Variants in KCNMA1 observed in about 807,000 individuals in gnomAD.
KCNMA1 encodes potassium calcium-activated channel subfamily M alpha 1, also known as Calcium-activated potassium channel subunit alpha-1.
KCNMA1 carries 29 observed loss-of-function variants against 140.0 expected under a neutral mutation model. The observed-to-expected ratio is 0.21, with a 90% CI of 0.15 to 0.28. The LOEUF is 0.28. KCNMA1 is among the 10% of genes least tolerant of loss of function. KCNMA1 has a pLI of 1.00. For synonymous variants in KCNMA1, 612 were observed against 611.9 expected (o/e 1.00, Z 0.00); for missense variants, 880 against 1,602.2 (o/e 0.55, Z 7.70).
chr10:76,905,267 G>A (rs1315946923), intron 25 of KCNMA1: 1 of 152,174 alleles, frequency 6.6e-6, no homozygotes, highest in East Asian at 1.9e-4. Context: ...TCTAAAATGA[G>A]TGCATGAGGA....
chr10:77,340,594 C>T (rs1414207182), intron 2 of KCNMA1, among the ~76,000 whole-genome samples: 1 of 151,702 alleles, frequency 6.6e-6, no homozygotes, highest in Non-Finnish European at 1.5e-5. Context: ...CCGTCATTCT[C>T]AGCAAACTAT....
intron 1 of KCNMA1, among the ~76,000 whole-genome samples, chr10:77,447,723 T>C (rs1042736944): frequency 2.0e-5 from 3 of 152,170 alleles, no homozygotes; most frequent in African/African-American, 7.2e-5. Flanking sequence ...AGGGGCTCAT[T>C]GGTACCTCTG....
intron 19 of KCNMA1, among the ~76,000 whole-genome samples, chr10:76,992,385 A>C (rs1425318559): frequency 6.6e-6 from 1 of 152,224 alleles, no homozygotes; most frequent in African/African-American, 2.4e-5. Context: ...TGAGATTTCA[A>C]ATGCAAGGGT....
chr10:77,118,637 T>G (rs12265896), intron 6 of KCNMA1, among the ~76,000 whole-genome samples: 1 of 151,994 alleles, frequency 6.6e-6, no homozygotes, highest in Non-Finnish European at 1.5e-5. Flanking sequence ...CCCAGCCCCA[T>G]GAGGATGACA....
chr10:77,061,575 G>A (rs1028162260), intron 14 of KCNMA1, among the ~76,000 whole-genome samples: 1 of 152,222 alleles, frequency 6.6e-6, no homozygotes, highest in Admixed American at 6.5e-5. Context: ...AAATGGTACA[G>A]TCCTTCTGGA....
intron 12 of KCNMA1, among the ~76,000 whole-genome samples, chr10:77,081,107 A>C (rs1052111024): frequency 1.3e-5 from 2 of 152,100 alleles, no homozygotes; most frequent in Non-Finnish European, 2.9e-5. Flanking sequence ...TCCTCCCCAC[A>C]TCAATTATGG....
chr10:76,878,260 T>C (rs146537727), intron 29 of KCNMA1, among the ~76,000 whole-genome samples: 4 of 152,270 alleles, frequency 2.6e-5, no homozygotes, highest in Admixed American at 2.6e-4. Flanking sequence ...GTACAGACAT[T>C]GTGCCTGAGG....
chr10:77,532,702 A>T, intron 1 of KCNMA1, among the ~76,000 whole-genome samples: 1 of 152,232 alleles, frequency 6.6e-6, no homozygotes, highest in East Asian at 1.9e-4. Context: ...TGATTTACAG[A>T]AGAATTTTAC....
At chr10:77,256,161 G>T (rs1322003048) in intron 2 of KCNMA1, among the ~76,000 whole-genome samples, 2 of 152,202 alleles carry the variant, frequency 1.3e-5, no homozygotes, top group African/African-American at 4.8e-5. Context: ...TCAGTGATGT[G>T]AGTATAGAGG....
intron 1 of KCNMA1, among the ~76,000 whole-genome samples, chr10:77,461,926 G>C (rs183942649): frequency 1.3e-5 from 2 of 152,160 alleles, no homozygotes; most frequent in South Asian, 4.1e-4. Flanking sequence ...AGCCAGGGCT[G>C]TGTGGGGACT....
chr10:76,951,895 G>T, intron 21 of KCNMA1: 1 of 820,026 alleles, frequency 1.2e-6, no homozygotes, highest in Non-Finnish European at 1.9e-6. Context: ...GCCCCACCCT[G>T]CTAGAACACA....
chr10:77,403,718 C>T, intron 2 of KCNMA1, 144 bp downstream of exon 2: 1 of 721,892 alleles, frequency 1.4e-6, no homozygotes. Context: ...CCTCCATGAC[C>T]ACGCGGGAGC....
chr10:76,904,406 C>G (rs1249756086), intron 25 of KCNMA1: 4 of 152,290 alleles, frequency 2.6e-5, no homozygotes, highest in Non-Finnish European at 5.9e-5. Context: ...GGGGATCCTG[C>G]GCATGGGTCT....
intron 3 of KCNMA1, among the ~76,000 whole-genome samples, chr10:77,235,413 G>A (rs747424894): frequency 2.0e-5 from 3 of 152,086 alleles, no homozygotes; most frequent in Non-Finnish European, 4.4e-5. Context: ...AAGTTGTCAC[G>A]GGCACACAGA....
chr10:77,105,410 T>C (rs1564566222), intron 9 of KCNMA1, among the ~76,000 whole-genome samples: 1 of 152,240 alleles, frequency 6.6e-6, no homozygotes, highest in African/African-American at 2.4e-5. Context: ...TGCCTAAATT[T>C]TGTACTTTAA....
At chr10:76,968,112 C>T (rs2074666626) in intron 20 of KCNMA1, among the ~76,000 whole-genome samples, 1 of 152,122 alleles carries the variant, frequency 6.6e-6, no homozygotes, top group Non-Finnish European at 1.5e-5. Context: ...CTCAAACCAT[C>T]ACTTTCTATT....
At chr10:77,329,927 G>A (rs183623746) in intron 2 of KCNMA1, among the ~76,000 whole-genome samples, 43 of 152,244 alleles carry the variant, frequency 2.8e-4, no homozygotes, top group Admixed American at 2.3e-3. Context: ...TAATGCACCC[G>A]AATAGCTTAA....
chr10:77,268,663 C>G (rs2064101071), intron 2 of KCNMA1, among the ~76,000 whole-genome samples: 1 of 152,118 alleles, frequency 6.6e-6, no homozygotes, highest in South Asian at 2.1e-4. Context: ...AAACCAGCCT[C>G]TGATCCCATA....
intron 3 of KCNMA1, among the ~76,000 whole-genome samples, chr10:77,248,307 T>C (rs2059006353): frequency 6.6e-6 from 1 of 152,110 alleles, no homozygotes; most frequent in African/African-American, 2.4e-5. Context: ...AAGGGCTGGG[T>C]GCAGAGAGCC....
Sources: gnomAD v4.1 joint callset for allele counts (sites outside exome capture counted in the v4.1 genomes callset) on GRCh38, gnomAD v4.1.1 for gene constraint, MANE v1.5 for transcripts, NCBI Gene and HGNC (gene_info 2026-07-23, HGNC 2026-07-21) for gene names.